Variants in SORCS3 observed in about 807,000 individuals in gnomAD.
SORCS3 encodes the protein VPS10 domain-containing receptor SorCS3.
A neutral mutation model predicts 146.3 loss-of-function variants in SORCS3; 57 were observed. The observed-to-expected ratio is 0.39, with a 90% confidence interval of 0.31 to 0.49. The LOEUF (loss-of-function observed/expected upper bound fraction) is 0.49, where lower values mean the gene tolerates loss of function less well. SORCS3 is among the 20% of genes least tolerant of loss of function. The pLI, the probability that SORCS3 is intolerant of heterozygous loss-of-function variation, is 0.92. For synonymous variants in SORCS3, 653 were observed against 618.5 expected (o/e 1.06, Z -0.83); for missense variants, 1,341 against 1,575.5 (o/e 0.85, Z 2.52).
intron 1 of SORCS3, among the ~76,000 whole-genome samples, chr10:104,836,845 C>G (rs1388858650): frequency 6.6e-6 from 1 of 151,996 alleles, no homozygotes; most frequent in East Asian, 1.9e-4. Flanking sequence ...TAGAATGCTG[C>G]CCCTACCTCC....
intron 1 of SORCS3, among the ~76,000 whole-genome samples, chr10:104,820,745 TC>T (rs2017863225): frequency 6.6e-6 from 1 of 152,246 alleles, no homozygotes; most frequent in African/African-American, 2.4e-5. Flanking sequence ...CAACACTTGC[TC>T]TTAAATATCT....
At chr10:104,901,349 C>A (rs1458868455) in intron 2 of SORCS3, among the ~76,000 whole-genome samples, 1 of 152,172 alleles carries the variant, frequency 6.6e-6, no homozygotes, top group Non-Finnish European at 1.5e-5. Flanking sequence ...GTGGTGGAAC[C>A]AGGCATTGAA....
intron 1 of SORCS3, among the ~76,000 whole-genome samples, chr10:104,780,200 CTG>C (rs1564681811): frequency 6.6e-6 from 1 of 151,410 alleles, no homozygotes; most frequent in Non-Finnish European, 1.5e-5. Flanking sequence ...CTTCAAGACA[CTG>C]TGAATTGGAA....
intron 1 of SORCS3, among the ~76,000 whole-genome samples, chr10:104,821,437 C>T (rs1438420392): frequency 6.6e-6 from 1 of 152,116 alleles, no homozygotes; most frequent in Non-Finnish European, 1.5e-5. Flanking sequence ...TGTGCACATT[C>T]CTGGGGACAC....
At chr10:105,046,287 A>G (rs897835148) in intron 5 of SORCS3, among the ~76,000 whole-genome samples, 1 of 152,148 alleles carries the variant, frequency 6.6e-6, no homozygotes, top group Non-Finnish European at 1.5e-5. Flanking sequence ...GTTGTGATTC[A>G]TAGCTTTGCT....
chr10:105,098,679 C>T (rs577088458), intron 6 of SORCS3, among the ~76,000 whole-genome samples: 6 of 152,252 alleles, frequency 3.9e-5, no homozygotes, highest in African/African-American at 1.4e-4. Context: ...TGGGTTGTTG[C>T]AAGAATGAAA....
At chr10:104,781,588 A>G (rs2017374700) in intron 1 of SORCS3, among the ~76,000 whole-genome samples, 1 of 152,248 alleles carries the variant, frequency 6.6e-6, no homozygotes, top group Admixed American at 6.5e-5. Context: ...ATGTGTACAC[A>G]CACACACTTT....
chr10:105,037,977 G>A (rs908177104), intron 4 of SORCS3, among the ~76,000 whole-genome samples: 1 of 152,156 alleles, frequency 6.6e-6, no homozygotes, highest in Non-Finnish European at 1.5e-5. Flanking sequence ...AACTAATAAC[G>A]GAATCAATAA....
intron 7 of SORCS3, among the ~76,000 whole-genome samples, chr10:105,134,675 T>C (rs2056046700): frequency 6.6e-6 from 1 of 152,032 alleles, no homozygotes; most frequent in Non-Finnish European, 1.5e-5. Context: ...CAACTCTTAA[T>C]ACTGTTGCAA....
At chr10:104,920,211 A>G (rs1477947085) in intron 3 of SORCS3, among the ~76,000 whole-genome samples, 1 of 152,204 alleles carries the variant, frequency 6.6e-6, no homozygotes, top group African/African-American at 2.4e-5. Flanking sequence ...TGAGTTATTT[A>G]TTTAACAGAT....
intron 1 of SORCS3, among the ~76,000 whole-genome samples, chr10:104,770,316 T>A (rs1319475043): frequency 6.6e-6 from 1 of 152,136 alleles, no homozygotes; most frequent in Non-Finnish European, 1.5e-5. Flanking sequence ...TTTGATTATC[T>A]CAGTGTTTCC....
intron 2 of SORCS3, among the ~76,000 whole-genome samples, chr10:104,870,842 T>C (rs1189920848): frequency 1.3e-5 from 2 of 152,206 alleles, no homozygotes; most frequent in East Asian, 3.9e-4. Flanking sequence ...GGAAGGAATT[T>C]CCCAATGGAC....
chr10:105,175,300 T>A (rs1256028774), intron 13 of SORCS3, among the ~76,000 whole-genome samples: 1 of 151,340 alleles, frequency 6.6e-6, no homozygotes, highest in Non-Finnish European at 1.5e-5. Context: ...ACTTCGGTGA[T>A]CTACCTGCCT....
intron 5 of SORCS3, among the ~76,000 whole-genome samples, chr10:105,062,507 G>A (rs1160988188): frequency 1.3e-4 from 20 of 152,166 alleles, no homozygotes; most frequent in Admixed American, 1.3e-3. Context: ...AACTTTTGGT[G>A]TTTGTGGGAG....
chr10:104,936,149 A>G (rs2019257780), intron 3 of SORCS3, among the ~76,000 whole-genome samples: 1 of 152,218 alleles, frequency 6.6e-6, no homozygotes, highest in African/African-American at 2.4e-5. Flanking sequence ...AATCTATTAT[A>G]CATTCATATG....
At chr10:104,793,930 G>A (rs753191432) in intron 1 of SORCS3, among the ~76,000 whole-genome samples, 1 of 152,128 alleles carries the variant, frequency 6.6e-6, no homozygotes, top group South Asian at 2.1e-4. Context: ...AATGGAATGG[G>A]GTGGGAGGCT....
intron 1 of SORCS3, among the ~76,000 whole-genome samples, chr10:104,672,311 A>G (rs903758035): frequency 1.3e-5 from 2 of 152,062 alleles, no homozygotes; most frequent in African/African-American, 2.4e-5. Context: ...AATCAATAGT[A>G]ATGTTTCCAG....
intron 22 of SORCS3, 99 bp from the exon 23 acceptor site, chr10:105,252,676 A>C: frequency 6.8e-7 from 1 of 1,472,278 alleles, no homozygotes; most frequent in Non-Finnish European, 9.3e-7. Context: ...CATTTGAAAA[A>C]CTCACATGAG....
chr10:104,823,248 C>T (rs1564691726), intron 1 of SORCS3, among the ~76,000 whole-genome samples: 2 of 152,064 alleles, frequency 1.3e-5, no homozygotes, highest in Non-Finnish European at 2.9e-5. Context: ...AGTTGGAAAC[C>T]ACCGCAACCA....
Sources: gnomAD v4.1 joint callset for allele counts (sites outside exome capture counted in the v4.1 genomes callset) on GRCh38, gnomAD v4.1.1 for gene constraint, MANE v1.5 for transcripts, NCBI Gene and HGNC (gene_info 2026-07-23, HGNC 2026-07-21) for gene names.